MYO9B: variants seen among roughly 807,000 people sequenced by gnomAD.
MYO9B encodes myosin IXB.
A neutral mutation model predicts 229.5 loss-of-function variants in MYO9B; 71 were observed. The ratio of observed to expected loss-of-function variants is 0.31; its 90% CI spans 0.26 to 0.38. MYO9B has a LOEUF of 0.38. Ranked by LOEUF, MYO9B falls within the 10% of genes least tolerant of loss-of-function variation. The pLI is 1.00. For missense variants in MYO9B, 2,255 were observed against 2,920.5 expected, an observed-to-expected ratio of 0.77 and a Z score of 5.25; for synonymous variants, 1,185 against 1,235.8, an observed-to-expected ratio of 0.96 and a Z score of 0.86.
At chr19:17,162,244 G>T in intron 8 of MYO9B, 106 bp from the exon 9 acceptor site, 1 of 846,222 alleles carries the variant, frequency 1.2e-6, no homozygotes, top group Non-Finnish European at 1.9e-6. Context: ...GGTGGAGGTT[G>T]CAGTGAGCCG....
At chr19:17,132,531 T>TA (rs2072213071) in intron 2 of MYO9B, among the ~76,000 whole-genome samples, 20 of 91,088 alleles carry the variant, frequency 2.2e-4, no homozygotes, top group Admixed American at 1.5e-3. Context: ...TATTATTTTT[T>TA]TTTTTTTTTT....
chr19:17,120,455 C>A (rs1160377741), intron 2 of MYO9B, among the ~76,000 whole-genome samples: 37 of 151,836 alleles, frequency 2.4e-4, no homozygotes, highest in Non-Finnish European at 4.9e-4. Context: ...CCACCCTGGG[C>A]AACATAGTGA....
In MYO9B at chr19:17,181,674, T is replaced by C. The variant is rs370026388; in HGVS notation, c.2333+634T>C. ...ACCACATCTCGCCTTTTAGTGGCCA[T>C]TGGGGTGTGGGCTGGCTGAGAGCAA... On this transcript the variant is annotated intron_variant, in intron 15 of 39. Coordinates refer to ENST00000682292, the MANE Select transcript of MYO9B (RefSeq NM_004145.4). 7.5e-4 allele frequency among the ~76,000 whole-genome samples: 115 copies of C among 152,322 alleles called. 2 individuals are homozygous for C. Among genetic ancestry groups the C allele is most frequent in the South Asian group, 6.2e-4 (3 of 4,830 alleles).
chr19:17,155,363 T>A (rs927805008), intron 6 of MYO9B, among the ~76,000 whole-genome samples: 12 of 152,102 alleles, frequency 7.9e-5, no homozygotes, highest in African/African-American at 2.6e-4. Flanking sequence ...CAATTTTTTG[T>A]AGAGATGGGG....
chr19:17,137,865 A>G (rs2072290666), intron 2 of MYO9B, among the ~76,000 whole-genome samples: 1 of 150,884 alleles, frequency 6.6e-6, no homozygotes, highest in African/African-American at 2.4e-5. Flanking sequence ...TCAGCCTCCA[A>G]AGTAACTGGA....
At chr19:17,171,186 G>A (rs74580767) in intron 11 of MYO9B, among the ~76,000 whole-genome samples, 9,575 of 152,182 alleles carry the variant, frequency 0.063, 391 homozygotes, top group Non-Finnish European at 0.094. Flanking sequence ...CGGAGCCCCC[G>A]ATGTTGGGAT....
intron 8 of MYO9B, among the ~76,000 whole-genome samples, 185 bp from the exon 9 acceptor site, chr19:17,162,165 T>G (rs1405235763): frequency 1.1e-4 from 17 of 151,576 alleles, no homozygotes; most frequent in Admixed American, 1.1e-3. Context: ...ATTAGCCAGG[T>G]ATAGTGGCGC....
At chr19:17,204,277 G>C (rs763937339) in intron 30 of MYO9B, among the ~76,000 whole-genome samples, 4 of 151,530 alleles carry the variant, frequency 2.6e-5, no homozygotes, top group Non-Finnish European at 5.9e-5. Context: ...AGTGTGGTTG[G>C]AAGAAGGAAA....
chr19:17,211,924 G>C lies in MYO9B; in HGVS notation c.6088G>C (p.Gly2030Arg), dbSNP rs758828474. The C allele has an allele frequency of 1.3e-6, 2 of 1,570,102 alleles. No homozygotes were observed. The highest frequency in any genetic ancestry group is 1.8e-5 in the Admixed American group (1 of 54,870). ...CCCTGCGCCTGCTCTCCCTTGCCCC[G>C]GCGCGCCCACCCCGAGCCCCCTCCC... is the stretch of plus-strand genomic sequence containing the variant. Reference protein sequence around the residue: ...GPPAPALPCPGAPTPSPLPTV... With the variant: ...GPPAPALPCPRAPTPSPLPTV... Residue 2030 changes from glycine (G) to arginine (R), a missense_variant, in exon 40 of 40, where the codon GGC (glycine) becomes CGC (arginine). Physicochemically the swap from Gly to Arg is moderately radical, Grantham distance 125. Around this residue, in one of 7 missense-constraint regions of MYO9B, gnomAD observed 331 missense variants for 332.5 expected, o/e 1.00. Transcript: ENST00000682292.
rs896170071 is a variant in MYO9B at position 17,193,950 on chromosome 19, A to G, written c.3129-606A>G. Reference sequence around the variant, plus strand: ...CACTTTGGGAGGCCAAGGCAGGCAGATCACATGAGGCCAGGAGTTGGAGAC... The same window carrying G: ...CACTTTGGGAGGCCAAGGCAGGCAGGTCACATGAGGCCAGGAGTTGGAGAC... On this transcript the variant is annotated intron_variant, in intron 21 of 39. Transcript: ENST00000682292. This position sits in a 1 kb window ranked among gnomAD's most constrained non-coding sequence, Gnocchi z 4.3. 6.6e-6 allele frequency among the ~76,000 whole-genome samples: 1 copy of G among 152,146 alleles called. No individual in the cohort carries two copies. The highest frequency in any genetic ancestry group is 2.4e-5 in the African/African-American group (1 of 41,426).
At chr19:17,081,810 CAAA>C (rs5827357) in intron 1 of MYO9B, among the ~76,000 whole-genome samples, 1 of 69,914 alleles carries the variant, frequency 1.4e-5, no homozygotes, top group East Asian at 5.1e-4. Flanking sequence ...GATCCCATCT[CAAA>C]AAAAAAAAAA....
intron 1 of MYO9B, among the ~76,000 whole-genome samples, chr19:17,076,617 T>C (rs927608425): frequency 1.3e-5 from 2 of 151,910 alleles, no homozygotes; most frequent in African/African-American, 4.8e-5. Context: ...GTGTCCCTCC[T>C]GACTTCACAC....
intron 2 of MYO9B, among the ~76,000 whole-genome samples, chr19:17,113,503 C>T (rs1050711095): frequency 1.3e-5 from 2 of 152,134 alleles, no homozygotes; most frequent in African/African-American, 4.8e-5. Context: ...GGCTAAACAG[C>T]GGGATGGTTA....
At chr19:17,103,832 G>A (rs911893255) in intron 2 of MYO9B, 4 of 152,086 alleles carry the variant, frequency 2.6e-5, no homozygotes, top group Non-Finnish European at 5.9e-5. Flanking sequence ...GAGGCAGGTG[G>A]ATCACGGGAG....
chr19:17,205,450 G>GCC, intron 31 of MYO9B, 114 bp downstream of exon 31: 1 of 971,218 alleles, frequency 1.0e-6, no homozygotes. Flanking sequence ...CCAGTAGGGG[G>GCC]CGGCTGTGGC....
At chr19:17,180,011 G>A (rs1403174895) in intron 14 of MYO9B, among the ~76,000 whole-genome samples, 1 of 151,866 alleles carries the variant, frequency 6.6e-6, no homozygotes, top group Non-Finnish European at 1.5e-5. Context: ...GAGGTGGGCC[G>A]ATCACAAGGT....
Position 17,184,871 on chromosome 19 carries a change from C to T in MYO9B, c.2380C>T (p.Leu794=). 1 of 1,613,862 alleles carries T rather than the reference C, an allele frequency of 6.2e-7. No individual in the cohort carries two copies. The highest frequency in any genetic ancestry group is 8.5e-7 in the Non-Finnish European group (1 of 1,179,808). ...CCCCATGTGTCTGTCCTAGAACCTA[C>T]TGGACTCCAAGTCCCTGAAACTCAT... is the stretch of plus-strand genomic sequence containing the variant. ...KQKQIIPKNL[L]DSKSLKLIIS... The change falls in exon 17 of 40, where the codon CTG becomes TTG. Residue 794 remains leucine (L), a synonymous_variant. Coordinates refer to ENST00000682292, the MANE Select transcript of MYO9B (RefSeq NM_004145.4).
Position 17,185,778 on chromosome 19 carries a change from C to A in MYO9B, c.2497-143C>A, listed in dbSNP as rs1321300032. The A allele has an allele frequency of 8.0e-6, 5 of 624,612 alleles. No individual in the cohort carries two copies. The African/African-American group carries it at 9.3e-5, about 12-fold the overall frequency. The allele number at this position is 624,612 out of a possible 1,614,324, so 38.7% of individuals were successfully genotyped here. A position where few individuals can be genotyped will look rare whatever the true frequency, so the allele number is the denominator to read the frequency against. ...GGTCAGAACGTCCAGCTGGAACCTC[C>A]TGTGTCCCACCACCAGGGACCCACA... On this transcript the variant is annotated intron_variant, in intron 17 of 39. Coordinates refer to ENST00000682292, the MANE Select transcript of MYO9B (RefSeq NM_004145.4).
chr19:17,175,610 G>T, intron 13 of MYO9B, 53 bp from the exon 14 acceptor site: 1 of 1,315,176 alleles, frequency 7.6e-7, no homozygotes, highest in Non-Finnish European at 1.0e-6. Context: ...TAAAATAATT[G>T]CAGCCTCCAT....
Sources: gnomAD v4.1 joint callset for allele counts (sites outside exome capture counted in the v4.1 genomes callset) on GRCh38, gnomAD v4.1.1 for gene constraint, gnomAD v4.1.1 regional missense constraint, Gnocchi (gnomAD v3.1) non-coding constraint, MANE v1.5 for transcripts, NCBI Gene and HGNC (gene_info 2026-07-23, HGNC 2026-07-21) for gene names.